CTIF: variants seen among roughly 807,000 people sequenced by gnomAD.
CTIF encodes the protein CBP80/20-dependent translation initiation factor.
Under a neutral mutation model 66.0 loss-of-function variants are expected in CTIF, and 21 were observed. The observed-to-expected ratio is 0.32, with a 90% CI of 0.23 to 0.46. The LOEUF is 0.46. Among genes scored for constraint, CTIF ranks in the 20% least tolerant of loss-of-function variants. The pLI is 1.00. For synonymous variants in CTIF, 345 were observed against 326.4 expected, an observed-to-expected ratio of 1.06 and a Z score of -0.62; for missense variants, 739 against 812.7, an observed-to-expected ratio of 0.91 and a Z score of 1.10.
At chr18:48,586,652 T>C (rs1309630585) in intron 1 of CTIF, among the ~76,000 whole-genome samples, 1 of 152,250 alleles carries the variant, frequency 6.6e-6, no homozygotes, top group Non-Finnish European at 1.5e-5. Context: ...TTCAGGAATT[T>C]ATAACCTGTT....
intron 3 of CTIF, among the ~76,000 whole-genome samples, chr18:48,663,099 C>A (rs1176078791): frequency 6.6e-6 from 1 of 152,074 alleles, no homozygotes; most frequent in Non-Finnish European, 1.5e-5. Flanking sequence ...AAGAGTGTGA[C>A]GATGGAAACC....
chr18:48,803,499 CATG>C (rs2068085854), intron 9 of CTIF, among the ~76,000 whole-genome samples: 1 of 152,214 alleles, frequency 6.6e-6, no homozygotes, highest in African/African-American at 2.4e-5. Context: ...GGGAATTTGA[CATG>C]ATGCTCAGGA....
At chr18:48,737,765 G>A (rs748548325) in intron 7 of CTIF, among the ~76,000 whole-genome samples, 1 of 152,122 alleles carries the variant, frequency 6.6e-6, no homozygotes, top group Non-Finnish European at 1.5e-5. Context: ...GTTATTTATG[G>A]GACACAGGGG....
intron 9 of CTIF, among the ~76,000 whole-genome samples, chr18:48,811,505 G>A (rs2068257656): frequency 6.6e-6 from 1 of 152,052 alleles, no homozygotes; most frequent in South Asian, 2.1e-4. Context: ...CATGCAACCA[G>A]TCTCTAAAAC....
At chr18:48,622,289 G>A (rs2090509549) in intron 2 of CTIF, among the ~76,000 whole-genome samples, 1 of 152,144 alleles carries the variant, frequency 6.6e-6, no homozygotes, top group African/African-American at 2.4e-5. Context: ...GTGGGGGTGT[G>A]GCGTGTGTCC....
At chr18:48,657,588 G>C (rs1271457977) in intron 3 of CTIF, among the ~76,000 whole-genome samples, 1 of 152,140 alleles carries the variant, frequency 6.6e-6, no homozygotes, top group Non-Finnish European at 1.5e-5. Context: ...ACAATGACGA[G>C]AGGAATCAGC....
At chr18:48,848,049 G>T (rs573564886) in intron 10 of CTIF, among the ~76,000 whole-genome samples, 8 of 152,160 alleles carry the variant, frequency 5.3e-5, no homozygotes, top group Non-Finnish European at 8.8e-5. Flanking sequence ...TACTCCTGAC[G>T]TGTAGGTGGC....
In CTIF at chr18:48,648,468, A is replaced by AACAC. The variant is rs150332855; in HGVS notation, c.252+11800_252+11803dup. On this transcript the variant is annotated intron_variant, in intron 3 of 11. Coordinates refer to ENST00000256413, the MANE Select transcript of CTIF (RefSeq NM_014772.3). The stretch of plus-strand genomic sequence containing the variant: ...GTCTGGGGTGCCGTCCTTCGTTCTG[A>AACAC]ACACACACACACACACACACGCACA... Among the ~76,000 whole-genome samples the AACAC allele has an allele frequency of 4.6e-3, 686 of 148,504 alleles. 4 individuals are homozygous for AACAC. The highest frequency in any genetic ancestry group is 0.012 in the African/African-American group (502 of 40,286).
At chr18:48,551,943 G>A (rs572294689) in intron 1 of CTIF, among the ~76,000 whole-genome samples, 12 of 151,978 alleles carry the variant, frequency 7.9e-5, no homozygotes, top group Non-Finnish European at 1.5e-4. Context: ...GACTACAGGC[G>A]CCCGCCACCA....
chr18:48,720,066 T>G (rs961742003), intron 7 of CTIF, among the ~76,000 whole-genome samples: 1 of 152,164 alleles, frequency 6.6e-6, no homozygotes, highest in Admixed American at 6.5e-5. Context: ...CCCCTAGGAG[T>G]AATAGTTCAG....
At chr18:48,557,875 C>T (rs903596814) in intron 1 of CTIF, among the ~76,000 whole-genome samples, 6 of 152,204 alleles carry the variant, frequency 3.9e-5, no homozygotes, top group African/African-American at 1.4e-4. Flanking sequence ...CTTATAAGGA[C>T]ACCGCTTCTA....
rs34544217 is a variant in CTIF at position 48,604,168 on chromosome 18, GTTTTTTTTT to G, written c.-28-15352_-28-15344del. Among the ~76,000 whole-genome samples, 10 of 63,284 alleles carry G rather than the reference GTTTTTTTTT, an allele frequency of 1.6e-4. No individual in the cohort carries two copies. The East Asian group carries it at 2.2e-3, about 14-fold the overall frequency. The allele number at this position is 63,284 out of a possible 152,430, so 41.5% of individuals were successfully genotyped here. ...TGACTCCGTGATTTTTTTTTTAAGG[GTTTTTTTTT>G]TTTTTTTTTTTTTTTTTGAGACGGG... On this transcript the variant is annotated intron_variant, in intron 1 of 11. Transcript: ENST00000256413.
intron 3 of CTIF, among the ~76,000 whole-genome samples, chr18:48,654,508 A>G (rs8095069): frequency 0.59 from 90,478 of 152,072 alleles, 29,331 homozygotes; most frequent in East Asian, 0.85. Flanking sequence ...AAATAGGAAC[A>G]CTTTTACACT....
chr18:48,633,327 G>A (rs1382488704), intron 2 of CTIF, among the ~76,000 whole-genome samples: 2 of 152,126 alleles, frequency 1.3e-5, no homozygotes, highest in East Asian at 1.9e-4. Context: ...AAAGCAGAGG[G>A]ATTATAGTTA....
chr18:48,683,375 A>G (rs1456892470), intron 6 of CTIF, among the ~76,000 whole-genome samples: 1 of 149,366 alleles, frequency 6.7e-6, no homozygotes, highest in Non-Finnish European at 1.5e-5. Flanking sequence ...CAGTGAGACC[A>G]CTGTCCCTCC....
chr18:48,788,732 C>A (rs919321797), intron 9 of CTIF, among the ~76,000 whole-genome samples: 3 of 152,118 alleles, frequency 2.0e-5, no homozygotes, highest in African/African-American at 7.2e-5. Context: ...ACCCTCTCAC[C>A]ATCACAGGGA....
chr18:48,724,553 TC>T (rs1299596818), intron 7 of CTIF, among the ~76,000 whole-genome samples: 1 of 152,190 alleles, frequency 6.6e-6, no homozygotes, highest in African/African-American at 2.4e-5. Flanking sequence ...GCTGACTCCT[TC>T]CTACTCCTCC....
intron 7 of CTIF, among the ~76,000 whole-genome samples, chr18:48,733,176 T>C (rs1295439257): frequency 6.6e-6 from 1 of 151,916 alleles, no homozygotes; most frequent in African/African-American, 2.4e-5. Flanking sequence ...CTCGGACACC[T>C]CTGTCACTAA....
chr18:48,832,943 G>A (rs2068725721), intron 10 of CTIF, among the ~76,000 whole-genome samples: 1 of 152,208 alleles, frequency 6.6e-6, no homozygotes, highest in Non-Finnish European at 1.5e-5. Context: ...CTGGGGGGCG[G>A]AGGTGGTAGG....
Sources: allele counts gnomAD v4.1 joint callset (sites outside exome capture counted in the v4.1 genomes callset), GRCh38; gene constraint gnomAD v4.1.1; transcripts MANE v1.5; gene names NCBI Gene and HGNC (gene_info 2026-07-23, HGNC 2026-07-21).